The following FLT1 variants were observed in gnomAD, a reference collection of about 807,000 sequenced individuals.
FLT1 encodes fms related receptor tyrosine kinase 1, also known as vascular endothelial growth factor receptor 1.
In FLT1, 49 loss-of-function variants were observed where a neutral mutation model predicts 156.3. That is an observed-to-expected ratio of 0.31 (90% CI 0.25 to 0.40). The LOEUF (loss-of-function observed/expected upper bound fraction) is 0.40. Among genes scored for constraint, FLT1 ranks in the 10% least tolerant of loss-of-function variants. The probability of loss-of-function intolerance (pLI) is 1.00; values close to 1 mark genes in which losing one functional copy is unlikely to be tolerated. For missense variants in FLT1, 1,322 were observed against 1,637.2 expected (o/e 0.81, Z 3.32); for synonymous variants, 594 against 583.8 (o/e 1.02, Z -0.25).
At chr13:28,388,053 A>T in intron 13 of FLT1, 2 of 1,058,850 alleles carry the variant, frequency 1.9e-6, no homozygotes, top group Non-Finnish European at 2.3e-6. Flanking sequence ...GTTAGCAACT[A>T]TTAAGGCCCC....
At position 28,430,052 on chromosome 13, in the gene FLT1, T is replaced by C. The variant is rs201178970; in HGVS notation, c.1104A>G (p.Val368=). The change falls in exon 8 of 30, where the codon GTA becomes GTG. Residue 368 remains valine, a splice_region_variant and synonymous_variant. Coordinates refer to ENST00000282397, the MANE Select transcript of FLT1 (RefSeq NM_002019.4). ...KVKAFPSPEV[V]WLKDGLPATE... The stretch of plus-strand genomic sequence containing the variant: ...TATGGAAATAAGGATGGTCCTACCA[T>C]ACAACTTCCGGCGAGGGAAATGCCT... 2.1e-5 allele frequency: 33 copies of C among 1,599,950 alleles called. 1 individual carries two copies. Among genetic ancestry groups the C allele is most frequent in the African/African-American group, 5.3e-5 (4 of 74,782 alleles).
intron 14 of FLT1, among the ~76,000 whole-genome samples, chr13:28,383,022 T>A (rs970348864): frequency 1.3e-5 from 2 of 152,214 alleles, no homozygotes; most frequent in African/African-American, 4.8e-5. Flanking sequence ...TTTAGATTGT[T>A]GGAATATTGG....
Position 28,438,256 on chromosome 13 carries a change from C to T in FLT1, c.478G>A (p.Val160Ile), listed in dbSNP as rs539329072. 1.2e-6 allele frequency: 2 copies of T among 1,613,870 alleles called. No homozygotes were observed. The highest frequency in any genetic ancestry group is 1.3e-5 in the African/African-American group (1 of 75,040). Residue 160 changes from valine to isoleucine, a missense_variant, in exon 4 of 30, where the codon GTT becomes ATT. By Grantham distance (29) the Val-to-Ile change is conservative (BLOSUM62 3). Coordinates refer to ENST00000282397, the MANE Select transcript of FLT1 (RefSeq NM_002019.4). ...EGRELVIPCRVTSPNITVTLK... is the reference protein window; with the variant it reads ...EGRELVIPCRITSPNITVTLK... ...GTAACAGTGATGTTAGGTGACGTAACCCGGCAGGGAATGACGAGCTCCCTT... is the reference window on the plus strand; with the variant it reads ...GTAACAGTGATGTTAGGTGACGTAATCCGGCAGGGAATGACGAGCTCCCTT...
intron 1 of FLT1, among the ~76,000 whole-genome samples, chr13:28,473,383 G>A (rs1880286158): frequency 6.6e-6 from 1 of 151,800 alleles, no homozygotes; most frequent in East Asian, 1.9e-4. Flanking sequence ...AGTGGCTCAC[G>A]CCTGTAACCC....
Position 28,311,356 on chromosome 13 carries a change from G to A in FLT1, c.3635+234C>T, listed in dbSNP as rs917184358. On this transcript the variant is annotated intron_variant, in intron 27 of 29. Coordinates refer to ENST00000282397, the MANE Select transcript of FLT1 (RefSeq NM_002019.4). ...AATGGTTTGGCAAAAAGAAAAATCC[G>A]TAACAAACACAATCATAGAGAGTAT... Among the ~76,000 whole-genome samples the A allele has an allele frequency of 2.6e-5, 4 of 152,132 alleles. No homozygotes were observed. The East Asian group carries it at 5.8e-4, about 22-fold the overall frequency.
chr13:28,361,045 C>T (rs759298921), intron 14 of FLT1, among the ~76,000 whole-genome samples: 1 of 151,680 alleles, frequency 6.6e-6, no homozygotes, highest in African/African-American at 2.4e-5. Flanking sequence ...TGTGGGAGGC[C>T]GAGGTGGGTG....
rs781618529 is a variant in FLT1 at position 28,467,102 on chromosome 13, C to T, written c.189G>A (p.Leu63=). The change falls in exon 3 of 30, where the codon TTG becomes TTA. Residue 63 remains leucine, a synonymous_variant. Transcript: ENST00000282397. ...CGCTTTCCTTACTCACCATTTCAGGCAAAGACCATTTATGGGCTGCTTCCC... is the reference window on the plus strand; with the variant it reads ...CGCTTTCCTTACTCACCATTTCAGGTAAAGACCATTTATGGGCTGCTTCCC... ...CRGEAAHKWS[L]PEMVSKESER... The T allele has an allele frequency of 2.5e-6, 4 of 1,613,982 alleles. No homozygotes were observed. In the South Asian group the frequency reaches 4.4e-5, roughly 18 times the overall value.
Position 28,306,704 on chromosome 13 carries a change from G to T in FLT1, c.3789C>A (p.Ser1263Arg). The change falls in exon 29 of 30, where the codon AGC (serine) becomes AGA (arginine). Residue 1263 changes from serine (S) to arginine (R), a missense_variant. Physicochemically the swap from Ser to Arg is moderately radical, Grantham distance 110 (BLOSUM62 -1). Coordinates refer to ENST00000282397, the MANE Select transcript of FLT1 (RefSeq NM_002019.4). ...PMLKRFTWTD[S>R]KPKASLKIDL... ...CAATCTTGAGCGAGGCCTTGGGTTT[G>T]CTGTCAGTCCAGGTGAAGCGCTTCA... 2 of 1,613,686 alleles carry T rather than the reference G, an allele frequency of 1.2e-6. No individual in the cohort carries two copies. The highest frequency in any genetic ancestry group is 1.7e-6 in the Non-Finnish European group (2 of 1,179,594).
chr13:28,325,816 C>CAAAAAAAAAAAAAAAAAAAAAAAAA (rs377427677), intron 20 of FLT1, among the ~76,000 whole-genome samples: 1 of 71,168 alleles, frequency 1.4e-5, no homozygotes. Flanking sequence ...AACTCTGTCT[C>CAAAAAAAAAAAAAAAAAAAAAAAAA]AAAAAAAAAA....
Position 28,433,914 on chromosome 13 carries a change from C to T in FLT1, c.718G>A (p.Val240Ile). The T allele has an allele frequency of 6.2e-7, 1 of 1,614,110 alleles. No homozygotes were observed. The highest frequency in any genetic ancestry group is 8.5e-7 in the Non-Finnish European group (1 of 1,179,974). The change falls in exon 6 of 30, where the codon GTC (valine) becomes ATC (isoleucine). Residue 240 changes from valine to isoleucine, a missense_variant. Coordinates refer to ENST00000282397, the MANE Select transcript of FLT1 (RefSeq NM_002019.4). ...AGAGTATGGCCTCTAAGTAATTTGA[C>T]TGGGCGTGGTGTGCTTATTTGGACA... Reference protein sequence around the residue: ...IDVQISTPRPVKLLRGHTLVL... With the variant: ...IDVQISTPRPIKLLRGHTLVL...
intron 11 of FLT1, among the ~76,000 whole-genome samples, chr13:28,405,427 C>T (rs1485805534): frequency 6.6e-6 from 1 of 152,158 alleles, no homozygotes; most frequent in East Asian, 1.9e-4. Context: ...CTGGAATCAC[C>T]TGGGAAGATT....
intron 4 of FLT1, among the ~76,000 whole-genome samples, chr13:28,434,988 T>C (rs1877945013): frequency 6.6e-6 from 1 of 152,206 alleles, no homozygotes; most frequent in South Asian, 2.1e-4. Flanking sequence ...TAGTTTTTCC[T>C]CCCATTTTGC....
Position 28,406,942 on chromosome 13 carries a change from T to G in FLT1, c.1437-1048A>C, listed in dbSNP as rs532178226. Among the ~76,000 whole-genome samples, 111 of 152,296 alleles carry G rather than the reference T, an allele frequency of 7.3e-4. No homozygotes were observed. In the Middle Eastern group the frequency reaches 0.014, roughly 19 times the overall value. On this transcript the variant is annotated intron_variant, in intron 10 of 29. Coordinates refer to ENST00000282397, the MANE Select transcript of FLT1 (RefSeq NM_002019.4). ...GAATGTGGTCAGAAAAACGTTCCGT[T>G]ACTATTCCTCCCTGGTCCTTGAGCT...
intron 11 of FLT1, among the ~76,000 whole-genome samples, chr13:28,398,794 A>G (rs922937418): frequency 2.1e-4 from 32 of 152,214 alleles, no homozygotes; most frequent in Non-Finnish European, 4.4e-4. Context: ...TGAATATGAC[A>G]CAATCCCTCC....
In FLT1 at chr13:28,409,391, G is replaced by C. The variant is rs76975986; in HGVS notation, c.1437-3497C>G. Among the ~76,000 whole-genome samples, 177 of 151,158 alleles carry C rather than the reference G, an allele frequency of 1.2e-3. 3 individuals are homozygous for C. The East Asian group carries it at 0.031, about 26-fold the overall frequency. On this transcript the variant is annotated intron_variant, in intron 10 of 29. Coordinates refer to ENST00000282397, the MANE Select transcript of FLT1 (RefSeq NM_002019.4). ...TTTCTGTCACCCAGGCTGGAGTGCA[G>C]TGGAGCAATCTTGGCTTATTACAGC...
chr13:28,350,325 A>C (rs17086597), intron 15 of FLT1, among the ~76,000 whole-genome samples: 5,430 of 152,220 alleles, frequency 0.036, 287 homozygotes, highest in Admixed American at 0.15. Context: ...TCTATGACAG[A>C]CTGTTGACCT....
At chr13:28,344,167 C>G (rs1872468212) in intron 16 of FLT1, among the ~76,000 whole-genome samples, 1 of 152,172 alleles carries the variant, frequency 6.6e-6, no homozygotes, top group Admixed American at 6.5e-5. Flanking sequence ...GGACCAAATT[C>G]CTCACCATGG....
At chr13:28,415,709 A>G (rs1052469402) in intron 10 of FLT1, among the ~76,000 whole-genome samples, 1 of 152,206 alleles carries the variant, frequency 6.6e-6, no homozygotes, top group Non-Finnish European at 1.5e-5. Context: ...CCCATATACT[A>G]CTATAGGCTG....
intron 3 of FLT1, among the ~76,000 whole-genome samples, chr13:28,448,004 A>C (rs1356359343): frequency 5.9e-5 from 9 of 152,184 alleles, no homozygotes; most frequent in African/African-American, 1.9e-4. Flanking sequence ...TAAACAAATG[A>C]AAAGATACTT....
Sources: allele counts gnomAD v4.1 joint callset (sites outside exome capture counted in the v4.1 genomes callset), GRCh38; gene constraint gnomAD v4.1.1; transcripts MANE v1.5; gene names NCBI Gene and HGNC (gene_info 2026-07-23, HGNC 2026-07-21).